SERPINE2: variants seen among roughly 807,000 people sequenced by gnomAD.
SERPINE2 encodes serpin family E member 2, also known as glia-derived nexin.
SERPINE2 carries 14 observed loss-of-function variants against 36.3 expected under a neutral mutation model. The observed-to-expected ratio is 0.39, with a 90% CI of 0.25 to 0.60. The LOEUF is 0.60. Ranked by LOEUF, SERPINE2 falls within the 20% of genes least tolerant of loss-of-function variation. The pLI is 0.57. For synonymous variants in SERPINE2, 192 were observed against 191.8 expected (o/e 1.00, Z -0.01); for missense variants, 418 against 499.6 (o/e 0.84, Z 1.56).
intron 1 of SERPINE2, among the ~76,000 whole-genome samples, chr2:224,009,356 T>G (rs1226189986): frequency 6.6e-6 from 1 of 152,152 alleles, no homozygotes; most frequent in East Asian, 1.9e-4. Flanking sequence ...TTTGTCCGAA[T>G]CATGACATCT....
chr2:223,982,845 G>A (rs1337885161), intron 5 of SERPINE2, 64 bp from the exon 6 acceptor site: 56 of 1,137,988 alleles, frequency 4.9e-5, no homozygotes, highest in East Asian at 9.7e-5. Flanking sequence ...TGATAGAGTC[G>A]GTGCATGTTT....
At position 223,977,630 on chromosome 2, in the gene SERPINE2, A is replaced by G. The variant is rs1412541300; in HGVS notation, c.1073-3T>C. 6.2e-7 allele frequency: 1 copy of G among 1,606,814 alleles called. No homozygotes were observed. Among genetic ancestry groups the G allele is most frequent in the Non-Finnish European group, 8.5e-7 (1 of 1,173,362 alleles). On this transcript the variant is annotated splice_polypyrimidine_tract_variant and splice_region_variant and intron_variant, in intron 7 of 8. Coordinates refer to ENST00000409304, the MANE Select transcript of SERPINE2 (RefSeq NM_001136528.2). ...TGATCTTGCAATGAGAATTGCAGCTACGGGAAGAAAAGGAAAATGTGTTGT... is the reference window on the plus strand; with the variant it reads ...TGATCTTGCAATGAGAATTGCAGCTGCGGGAAGAAAAGGAAAATGTGTTGT...
intron 1 of SERPINE2, chr2:224,010,291 A>G: frequency 1.1e-6 from 1 of 932,584 alleles, no homozygotes; most frequent in Non-Finnish European, 1.3e-6. Flanking sequence ...TGCTCATTCT[A>G]TGACACTAAT....
At chr2:224,009,440 AC>A (rs1691547018) in intron 1 of SERPINE2, among the ~76,000 whole-genome samples, 1 of 152,140 alleles carries the variant, frequency 6.6e-6, no homozygotes, top group East Asian at 1.9e-4. Context: ...CAAGCCCGTA[AC>A]CCCAGCACTT....
intron 1 of SERPINE2, among the ~76,000 whole-genome samples, chr2:224,021,387 G>A (rs1291064270): frequency 6.6e-6 from 1 of 152,160 alleles, no homozygotes; most frequent in African/African-American, 2.4e-5. Context: ...GTGATTCAGG[G>A]CCTACATCAA....
Position 223,991,881 on chromosome 2 carries a change from T to A in SERPINE2, c.607A>T (p.Lys203Ter). The change falls in exon 4 of 9, where the codon AAG becomes TAG. Residue 203 changes from lysine to a stop codon, truncating the protein, a stop_gained. Transcript: ENST00000409304. LOFTEE classifies it high-confidence loss of function. ...WKSRFQPENT[K>*]KRTFVAADGK... The stretch of plus-strand genomic sequence containing the variant: ...TCGGCTGCCACGAAAGTGCGTTTCT[T>A]TGTGTTCTCGGGTTGGAACCGTGAT... The A allele has an allele frequency of 6.2e-7, 1 of 1,613,436 alleles. No homozygotes were observed. The highest frequency in any genetic ancestry group is 8.5e-7 in the Non-Finnish European group (1 of 1,179,748).
intron 3 of SERPINE2, among the ~76,000 whole-genome samples, chr2:223,997,641 T>C (rs1690942561): frequency 2.0e-5 from 3 of 150,444 alleles, no homozygotes; most frequent in Admixed American, 2.0e-4. Context: ...GGTGTAAAAG[T>C]TGTAATCATG....
chr2:224,019,237 C>A (rs933109271), intron 1 of SERPINE2, among the ~76,000 whole-genome samples: 2 of 131,674 alleles, frequency 1.5e-5, no homozygotes, highest in African/African-American at 5.7e-5. Flanking sequence ...TGAACAATAA[C>A]AATAGTACAA....
intron 3 of SERPINE2, among the ~76,000 whole-genome samples, chr2:223,992,287 G>A (rs75775072): frequency 0.018 from 2,758 of 152,144 alleles, 76 homozygotes; most frequent in African/African-American, 0.063. Flanking sequence ...TTCCCTGCAA[G>A]TCCAGGCTTT....
chr2:223,998,399 T>A, intron 2 of SERPINE2, 57 bp from the exon 3 acceptor site: 1 of 1,378,138 alleles, frequency 7.3e-7, no homozygotes, highest in Non-Finnish European at 1.0e-6. Flanking sequence ...GAAAAGTTTT[T>A]AAAATCTTTT....
At chr2:223,997,305 C>T (rs1316624923) in intron 3 of SERPINE2, among the ~76,000 whole-genome samples, 2 of 152,144 alleles carry the variant, frequency 1.3e-5, no homozygotes, top group African/African-American at 4.8e-5. Flanking sequence ...ATTGCAATCT[C>T]CCCCTCCCAG....
intron 1 of SERPINE2, among the ~76,000 whole-genome samples, chr2:224,019,423 G>A (rs183225845): frequency 6.6e-6 from 1 of 152,266 alleles, no homozygotes; most frequent in Non-Finnish European, 1.5e-5. Flanking sequence ...TGTCCTCCTT[G>A]CAGTTTACAG....
chr2:223,977,520 T>C (rs974190994), intron 8 of SERPINE2, 24 bp downstream of exon 8: 1 of 1,455,152 alleles, frequency 6.9e-7, no homozygotes, highest in South Asian at 1.1e-5. Context: ...AGAGAGGGCA[T>C]GATGGAAGAG....
intron 4 of SERPINE2, among the ~76,000 whole-genome samples, chr2:223,988,858 T>C (rs1241379641): frequency 2.0e-5 from 3 of 152,174 alleles, no homozygotes; most frequent in African/African-American, 7.2e-5. Context: ...GATAAAAGGA[T>C]CAAGTAAATC....
chr2:224,033,391 G>T (rs189904693), intron 1 of SERPINE2, among the ~76,000 whole-genome samples: 1 of 152,176 alleles, frequency 6.6e-6, no homozygotes, highest in East Asian at 1.9e-4. Context: ...TAAGGTGTAT[G>T]AGCACAGGAT....
intron 1 of SERPINE2, among the ~76,000 whole-genome samples, chr2:224,008,218 C>T (rs144873346): frequency 2.1e-4 from 32 of 152,166 alleles, no homozygotes; most frequent in African/African-American, 7.0e-4. Flanking sequence ...TGTTAGCAAG[C>T]TACTTATGAT....
chr2:223,994,091 C>T (rs1016356594), intron 3 of SERPINE2, among the ~76,000 whole-genome samples: 4 of 152,188 alleles, frequency 2.6e-5, no homozygotes, highest in Non-Finnish European at 4.4e-5. Flanking sequence ...TGATCATCCT[C>T]GCCACCTCCT....
intron 1 of SERPINE2, among the ~76,000 whole-genome samples, chr2:224,020,437 T>G (rs147358523): frequency 6.6e-6 from 1 of 152,266 alleles, no homozygotes; most frequent in African/African-American, 2.4e-5. Context: ...GAAAGCACCA[T>G]CCCATATATT....
At chr2:224,017,710 T>C (rs1011996115) in intron 1 of SERPINE2, among the ~76,000 whole-genome samples, 2 of 152,170 alleles carry the variant, frequency 1.3e-5, no homozygotes, top group African/African-American at 4.8e-5. Context: ...GGTGTAATAG[T>C]AGTTCTTACT....
Sources: allele counts gnomAD v4.1 joint callset (sites outside exome capture counted in the v4.1 genomes callset), GRCh38; gene constraint gnomAD v4.1.1; transcripts MANE v1.5; gene names NCBI Gene and HGNC (gene_info 2026-07-23, HGNC 2026-07-21).